Variants in TXNDC12 observed in about 807,000 individuals in gnomAD.
TXNDC12 encodes thioredoxin domain containing 12.
Under a neutral mutation model 24.2 loss-of-function variants are expected in TXNDC12, and 22 were observed. That is an observed-to-expected ratio of 0.91 (90% CI 0.65 to 1.30). The LOEUF is 1.30. Ranked by LOEUF, TXNDC12 falls within the 50% of genes most tolerant of loss-of-function variation. TXNDC12 has a pLI of 0.00. For synonymous variants in TXNDC12, 58 were observed against 73.4 expected (o/e 0.79, Z 1.07); for missense variants, 184 against 205.8 (o/e 0.89, Z 0.65).
upstream of TXNDC12, chr1:52,055,358 C>T (rs1686320532): frequency 9.0e-6 from 4 of 446,614 alleles, no homozygotes; most frequent in Non-Finnish European, 1.7e-5. Context: ...TTCGTGGATT[C>T]TGGGTGTCCA....
chr1:52,055,212 T>C (rs1201674296), upstream of TXNDC12: 3 of 703,666 alleles, frequency 4.3e-6, no homozygotes, highest in African/African-American at 5.4e-5. Flanking sequence ...CCCAGATTTT[T>C]TTTTTTCAAA....
chr1:52,029,540 A>G (rs542357005), intron 2 of TXNDC12, among the ~76,000 whole-genome samples: 43 of 152,274 alleles, frequency 2.8e-4, no homozygotes, highest in Non-Finnish European at 4.7e-4. Flanking sequence ...ACACAACCCC[A>G]TGTCACCATA....
intron 2 of TXNDC12, among the ~76,000 whole-genome samples, chr1:52,037,207 CTTTTTTTTTTT>C (rs34590025): frequency 4.0e-5 from 5 of 123,554 alleles, no homozygotes; most frequent in Admixed American, 1.6e-4. Flanking sequence ...AATAGACCAC[CTTTTTTTTTTT>C]TTTTTTTTTT....
chr1:52,037,155 C>T (rs1297700804), intron 2 of TXNDC12, among the ~76,000 whole-genome samples: 1 of 151,850 alleles, frequency 6.6e-6, no homozygotes, highest in East Asian at 1.9e-4. Context: ...TCCTTATCAC[C>T]CCCTGATGTA....
At chr1:52,041,656 AG>A (rs1685992672) in intron 1 of TXNDC12, 59 bp from the exon 2 acceptor site, 1 of 1,197,482 alleles carries the variant, frequency 8.4e-7, no homozygotes, top group African/African-American at 1.5e-5. Context: ...AGTCCCAAGA[AG>A]GAAGTGTGCA....
intron 1 of TXNDC12, among the ~76,000 whole-genome samples, chr1:52,042,948 G>A (rs1686022196): frequency 6.6e-6 from 1 of 152,026 alleles, no homozygotes. Flanking sequence ...TTAGTAGAGA[G>A]AGGGTTTCGC....
chr1:52,035,388 A>G (rs1157632970), intron 2 of TXNDC12, among the ~76,000 whole-genome samples: 8 of 152,106 alleles, frequency 5.3e-5, no homozygotes, highest in African/African-American at 1.9e-4. Flanking sequence ...AGGTTTACCA[A>G]TCTGTAGGTT....
intron 2 of TXNDC12, among the ~76,000 whole-genome samples, chr1:52,029,083 G>A (rs1324772361): frequency 3.3e-5 from 5 of 152,050 alleles, no homozygotes; most frequent in East Asian, 1.9e-4. Context: ...AGCTGAGACC[G>A]CACCACTACA....
intron 1 of TXNDC12, among the ~76,000 whole-genome samples, chr1:52,045,080 A>C (rs1686065780): frequency 2.0e-5 from 3 of 152,204 alleles, no homozygotes. Flanking sequence ...TGCAGTGATA[A>C]AAGGAAAGGA....
At chr1:52,038,785 T>C (rs2794994) in intron 2 of TXNDC12, among the ~76,000 whole-genome samples, 8,388 of 152,148 alleles carry the variant, frequency 0.055, 287 homozygotes, top group East Asian at 0.13. Flanking sequence ...ATAGTACCCA[T>C]GTAAAAGCTA....
chr1:52,031,937 A>G (rs548107575), intron 2 of TXNDC12, among the ~76,000 whole-genome samples: 10 of 152,352 alleles, frequency 6.6e-5, no homozygotes, highest in Admixed American at 3.3e-4. Flanking sequence ...GAATGAAGCA[A>G]AACAGTTACG....
intron 2 of TXNDC12, among the ~76,000 whole-genome samples, chr1:52,038,259 G>C (rs953053442): frequency 1.3e-5 from 2 of 151,256 alleles, no homozygotes; most frequent in Non-Finnish European, 2.9e-5. Context: ...TCTTAACGGT[G>C]TCTGAGAATT....
At position 52,028,598 on chromosome 1, in the gene TXNDC12, G is replaced by A; in HGVS notation, c.191C>T (p.Ser64Phe). ...CTTACCTTTGCAAGCTCCACACCAG[G>A]ATTTATGAATAATCACCATCAGGGG... is the stretch of plus-strand genomic sequence containing the variant. The part of the protein sequence containing the change: ...GLPLMVIIHK[S>F]WCGACKALKP... The change falls in exon 3 of 7, where the codon TCC (serine) becomes TTC (phenylalanine). Residue 64 changes from serine to phenylalanine, a missense_variant. Ser to Phe is a radical substitution (Grantham distance 155). Coordinates refer to ENST00000371626, the MANE Select transcript of TXNDC12 (RefSeq NM_015913.4). 6.2e-7 allele frequency: 1 copy of A among 1,612,818 alleles called. No individual in the cohort carries two copies. The highest frequency in any genetic ancestry group is 8.5e-7 in the Non-Finnish European group (1 of 1,179,666).
chr1:52,039,381 T>C (rs1422161190), intron 2 of TXNDC12, among the ~76,000 whole-genome samples: 1 of 151,754 alleles, frequency 6.6e-6, no homozygotes, highest in Non-Finnish European at 1.5e-5. Context: ...CAGGCTGGAG[T>C]GCAATGGCGT....
intron 2 of TXNDC12, chr1:52,033,359 G>A: frequency 6.2e-7 from 1 of 1,613,656 alleles, no homozygotes. Context: ...GCGCGTGGCC[G>A]CCAACTCACA....
At chr1:52,033,277 A>G (rs746337963) in intron 2 of TXNDC12, 8 of 1,613,768 alleles carry the variant, frequency 5.0e-6, no homozygotes, top group Non-Finnish European at 6.8e-6. Context: ...ACTTCCATTT[A>G]CTACAGAGTC....
At chr1:52,053,774 G>A (rs2124398760) in intron 1 of TXNDC12, among the ~76,000 whole-genome samples, 1 of 152,290 alleles carries the variant, frequency 6.6e-6, no homozygotes, top group South Asian at 2.1e-4. Context: ...TTTCATCACT[G>A]AGATGGAAAC....
At chr1:52,027,966 C>CA (rs1163210138) in intron 3 of TXNDC12, among the ~76,000 whole-genome samples, 1 of 151,924 alleles carries the variant, frequency 6.6e-6, no homozygotes, top group Non-Finnish European at 1.5e-5. Flanking sequence ...GCTAGGATTA[C>CA]AGGCGCGTGC....
chr1:52,041,612 C>T lies in TXNDC12; in HGVS notation c.98-15G>A. 3 of 1,590,156 alleles carry T rather than the reference C, an allele frequency of 1.9e-6. No individual in the cohort carries two copies. The highest frequency in any genetic ancestry group is 1.7e-4 in the Middle Eastern group (1 of 5,998). On this transcript the variant is annotated splice_polypyrimidine_tract_variant and intron_variant, in intron 1 of 6. Coordinates refer to ENST00000371626, the MANE Select transcript of TXNDC12 (RefSeq NM_015913.4). ...ATCTCCAAAACCTGGAAGGAAAGAACTTTATAAGCATTCACATAATGAACA... is the reference window on the plus strand; with the variant it reads ...ATCTCCAAAACCTGGAAGGAAAGAATTTTATAAGCATTCACATAATGAACA...
Sources: allele counts gnomAD v4.1 joint callset (sites outside exome capture counted in the v4.1 genomes callset), GRCh38; gene constraint gnomAD v4.1.1; transcripts MANE v1.5; gene names NCBI Gene and HGNC (gene_info 2026-07-23, HGNC 2026-07-21).